Variants in FSTL5 observed in about 807,000 individuals in gnomAD.
FSTL5 encodes the protein follistatin-related protein 5.
In FSTL5, 62 loss-of-function variants were observed where a neutral mutation model predicts 89.1. The observed-to-expected ratio is 0.70, with a 90% CI of 0.57 to 0.86. The LOEUF (loss-of-function observed/expected upper bound fraction) is 0.86, where lower values mean the gene tolerates loss of function less well. FSTL5 is among the 40% of genes least tolerant of loss of function. FSTL5 has a pLI of 0.00. For missense variants in FSTL5, 1,057 were observed against 1,001.6 expected, an observed-to-expected ratio of 1.06 and a Z score of -0.75; for synonymous variants, 383 against 346.2, an observed-to-expected ratio of 1.11 and a Z score of -1.18.
intron 1 of FSTL5, among the ~76,000 whole-genome samples, chr4:162,116,160 G>T (rs1561027552): frequency 6.6e-6 from 1 of 152,170 alleles, no homozygotes; most frequent in Admixed American, 6.5e-5. Flanking sequence ...CAAATTCAAA[G>T]TAAGAGTATG....
At chr4:161,434,636 G>C (rs1317107068) in intron 15 of FSTL5, among the ~76,000 whole-genome samples, 1 of 151,876 alleles carries the variant, frequency 6.6e-6, no homozygotes, top group Non-Finnish European at 1.5e-5. Context: ...AAGAGACAAT[G>C]TATTGAATGG....
At chr4:161,932,368 G>C (rs1306018683) in intron 3 of FSTL5, among the ~76,000 whole-genome samples, 2 of 151,680 alleles carry the variant, frequency 1.3e-5, no homozygotes, top group Non-Finnish European at 2.9e-5. Flanking sequence ...GTTAGATACT[G>C]TTTATCGTCT....
At chr4:161,556,737 A>G (rs2126564776) in intron 8 of FSTL5, among the ~76,000 whole-genome samples, 1 of 151,184 alleles carries the variant, frequency 6.6e-6, no homozygotes, top group Admixed American at 6.6e-5. Context: ...TATGTAAAAA[A>G]GCAAAAAAAA....
intron 6 of FSTL5, among the ~76,000 whole-genome samples, chr4:161,706,730 AC>A (rs757331976): frequency 3.3e-4 from 50 of 152,076 alleles, no homozygotes; most frequent in Non-Finnish European, 5.2e-4. Flanking sequence ...AAGAAAATGT[AC>A]ACAGCGACCT....
At chr4:161,574,683 G>A (rs917174612) in intron 8 of FSTL5, among the ~76,000 whole-genome samples, 8 of 152,094 alleles carry the variant, frequency 5.3e-5, no homozygotes, top group African/African-American at 1.9e-4. Flanking sequence ...CCCTGCAAAG[G>A]ACATTAACTC....
chr4:162,156,677 G>A (rs915626639), intron 1 of FSTL5, among the ~76,000 whole-genome samples: 1 of 152,190 alleles, frequency 6.6e-6, no homozygotes, highest in Non-Finnish European at 1.5e-5. Context: ...TCAGTTATAA[G>A]TGGGAGCTAA....
chr4:161,665,872 A>AAAG (rs1341335617), intron 6 of FSTL5, among the ~76,000 whole-genome samples: 2 of 151,976 alleles, frequency 1.3e-5, no homozygotes, highest in Non-Finnish European at 1.5e-5. Context: ...AAAAAATAAA[A>AAAG]AAGAAGATGA....
In FSTL5 at chr4:161,528,926, G is replaced by A. The variant is rs1242812510; in HGVS notation, c.1312+9240C>T. Among the ~76,000 whole-genome samples, 2 of 141,898 alleles carry A rather than the reference G, an allele frequency of 1.4e-5. 1 individual carries two copies. Among genetic ancestry groups the A allele is most frequent in the East Asian group, 4.8e-4 (2 of 4,158 alleles). 93.1% of individuals were successfully genotyped at this position (141,898 alleles called of 152,430 possible). A position where few individuals can be genotyped will look rare whatever the true frequency, so the allele number is the denominator to read the frequency against. On this transcript the variant is annotated intron_variant, in intron 10 of 15. Coordinates refer to ENST00000306100, the MANE Select transcript of FSTL5 (RefSeq NM_020116.5). Reference sequence around the variant, plus strand: ...TGTCACTATATGTTAAGTGTATTCAGTCCACATGCCTAAAGTCATATAAAT... The same window carrying A: ...TGTCACTATATGTTAAGTGTATTCAATCCACATGCCTAAAGTCATATAAAT...
At chr4:162,092,825 T>C (rs1291652235) in intron 2 of FSTL5, among the ~76,000 whole-genome samples, 6 of 151,360 alleles carry the variant, frequency 4.0e-5, no homozygotes, top group Admixed American at 6.6e-5. Context: ...GGTGCGCACC[T>C]GTTATCCCAG....
chr4:161,647,811 C>T (rs1432181103), intron 7 of FSTL5, among the ~76,000 whole-genome samples: 1 of 152,040 alleles, frequency 6.6e-6, no homozygotes, highest in Non-Finnish European at 1.5e-5. Context: ...TTTTTGTTTT[C>T]CTGCCCAAAT....
At chr4:162,117,089 C>T (rs17538472) in intron 1 of FSTL5, among the ~76,000 whole-genome samples, 20,746 of 152,186 alleles carry the variant, frequency 0.14, 1,961 homozygotes, top group Non-Finnish European at 0.19. Context: ...AGACTTCTGG[C>T]TTTATTATGC....
chr4:161,999,325 A>C (rs1011120588), intron 3 of FSTL5, among the ~76,000 whole-genome samples: 1 of 152,308 alleles, frequency 6.6e-6, no homozygotes, highest in South Asian at 2.1e-4. Context: ...TACTGATAGA[A>C]AATAAACAAC....
intron 5 of FSTL5, among the ~76,000 whole-genome samples, chr4:161,766,658 C>T (rs1741010856): frequency 1.3e-5 from 2 of 152,106 alleles, no homozygotes; most frequent in African/African-American, 4.8e-5. Context: ...ACCATACTGA[C>T]TTTAGAAAAA....
intron 12 of FSTL5, among the ~76,000 whole-genome samples, chr4:161,481,636 T>C (rs924671705): frequency 6.6e-6 from 1 of 152,200 alleles, no homozygotes; most frequent in African/African-American, 2.4e-5. Flanking sequence ...TTCTTTTAAT[T>C]TGTAATAAAT....
chr4:162,068,124 G>A (rs1417298505), intron 2 of FSTL5, among the ~76,000 whole-genome samples: 4 of 151,990 alleles, frequency 2.6e-5, no homozygotes, highest in African/African-American at 4.8e-5. Context: ...TGACCATACT[G>A]CTCAAAGTAG....
intron 4 of FSTL5, among the ~76,000 whole-genome samples, chr4:161,898,084 TTA>T (rs562419318): frequency 6.9e-4 from 102 of 147,912 alleles, no homozygotes; most frequent in African/African-American, 1.8e-3. Flanking sequence ...TTACTTATAT[TTA>T]TATATATATA....
intron 11 of FSTL5, among the ~76,000 whole-genome samples, chr4:161,503,107 G>A (rs1193940914): frequency 6.6e-6 from 1 of 151,720 alleles, no homozygotes; most frequent in Non-Finnish European, 1.5e-5. Context: ...ATGTTAGACA[G>A]TGTGATAATT....
At chr4:161,482,330 T>G (rs554941361) in intron 12 of FSTL5, among the ~76,000 whole-genome samples, 1 of 151,996 alleles carries the variant, frequency 6.6e-6, no homozygotes, top group African/African-American at 2.4e-5. Context: ...AAAAAAATTA[T>G]GTGCAGTAAA....
intron 4 of FSTL5, among the ~76,000 whole-genome samples, chr4:161,860,179 T>A (rs572715547): frequency 1.3e-5 from 2 of 152,096 alleles, no homozygotes; most frequent in Admixed American, 6.5e-5. Context: ...TCCCAGCTAC[T>A]CGGGAGGCTG....
Sources: allele counts gnomAD v4.1 joint callset (sites outside exome capture counted in the v4.1 genomes callset), GRCh38; gene constraint gnomAD v4.1.1; transcripts MANE v1.5; gene names NCBI Gene and HGNC (gene_info 2026-07-23, HGNC 2026-07-21).